Variants in FBN2 observed in about 807,000 individuals in gnomAD.
FBN2 encodes fibrillin 2.
FBN2 carries 105 observed loss-of-function variants against 355.6 expected under a neutral mutation model. The ratio of observed to expected loss-of-function variants is 0.30; its 90% CI spans 0.25 to 0.35. The LOEUF (loss-of-function observed/expected upper bound fraction) is 0.35. Ranked by LOEUF, FBN2 falls within the 10% of genes least tolerant of loss-of-function variation. FBN2 has a pLI of 1.00. For missense variants in FBN2, 3,280 were observed against 3,758.7 expected (o/e 0.87, Z 3.33); for synonymous variants, 1,350 against 1,301.2 (o/e 1.04, Z -0.81).
At chr5:128,274,722 T>C (rs1209942757) in intron 59 of FBN2, 39 bp from the exon 60 acceptor site, 2 of 1,173,098 alleles carry the variant, frequency 1.7e-6, no homozygotes. Flanking sequence ...CACAGTAGAC[T>C]ATCTGGCTAT....
At chr5:128,333,658 G>A (rs1478509300) in intron 31 of FBN2, among the ~76,000 whole-genome samples, 1 of 151,862 alleles carries the variant, frequency 6.6e-6, no homozygotes, top group Non-Finnish European at 1.5e-5. Context: ...GTAGCCAGAT[G>A]CTTTCGCCAG....
chr5:128,299,667 C>A (rs7710775), intron 48 of FBN2, among the ~76,000 whole-genome samples: 7,143 of 152,266 alleles, frequency 0.047, 587 homozygotes, highest in African/African-American at 0.16. Context: ...GGCAATGCCT[C>A]GCCCTGCTTT....
chr5:128,537,821 T>C lies in FBN2; in HGVS notation c.-218A>G, dbSNP rs1165548094. 1.7e-6 allele frequency: 1 copy of C among 602,672 alleles called. No individual in the cohort carries two copies. The highest frequency in any genetic ancestry group is 1.9e-5 in the African/African-American group (1 of 53,518). The allele number at this position is 602,672 out of a possible 1,614,324, so 37.3% of individuals were successfully genotyped here. A position where few individuals can be genotyped will look rare whatever the true frequency, so the allele number is the denominator to read the frequency against. On this transcript the variant is annotated 5_prime_UTR_variant, in exon 1 of 65. Coordinates refer to ENST00000262464, the MANE Select transcript of FBN2 (RefSeq NM_001999.4). ...ACGCGGGGCGCCGGGTCTAGCGCAGTGAGCGGCGAGGCGCGGCGGAGGTGC... is the reference window on the plus strand; with the variant it reads ...ACGCGGGGCGCCGGGTCTAGCGCAGCGAGCGGCGAGGCGCGGCGGAGGTGC...
At chr5:128,491,925 G>T (rs956841885) in intron 5 of FBN2, among the ~76,000 whole-genome samples, 3 of 152,016 alleles carry the variant, frequency 2.0e-5, no homozygotes, top group Non-Finnish European at 4.4e-5. Context: ...CTAATAAACA[G>T]CTTGACCATT....
chr5:128,454,088 C>T (rs1754324797), intron 6 of FBN2, among the ~76,000 whole-genome samples: 1 of 151,824 alleles, frequency 6.6e-6, no homozygotes, highest in Admixed American at 6.6e-5. Context: ...TCCAATAGAA[C>T]ATCCACAATC....
chr5:128,466,812 G>T (rs1374150798), intron 5 of FBN2, among the ~76,000 whole-genome samples: 1 of 152,090 alleles, frequency 6.6e-6, no homozygotes, highest in Non-Finnish European at 1.5e-5. Context: ...TGAAGATATG[G>T]CAACCTTATA....
intron 7 of FBN2, among the ~76,000 whole-genome samples, chr5:128,419,533 A>T (rs1358857176): frequency 6.6e-6 from 1 of 152,108 alleles, no homozygotes; most frequent in Non-Finnish European, 1.5e-5. Context: ...TTTTTAGAAT[A>T]CAAGGGTATT....
At chr5:128,458,350 A>C (rs1754461557) in intron 6 of FBN2, among the ~76,000 whole-genome samples, 1 of 151,976 alleles carries the variant, frequency 6.6e-6, no homozygotes, top group African/African-American at 2.4e-5. Context: ...ACTTCCACAC[A>C]ATAATAGTGG....
At chr5:128,398,772 G>A in intron 8 of FBN2, among the ~76,000 whole-genome samples, 1 of 152,170 alleles carries the variant, frequency 6.6e-6, no homozygotes, top group East Asian at 1.9e-4. Context: ...GAGGGACCTG[G>A]TGGGAGGTAA....
Position 128,290,751 on chromosome 5 carries a change from C to T in FBN2, c.6426G>A (p.Leu2142=), listed in dbSNP as rs2126821236. The T allele has an allele frequency of 6.2e-7, 1 of 1,614,178 alleles. No individual in the cohort carries two copies. Among genetic ancestry groups the T allele is most frequent in the East Asian group, 2.2e-5 (1 of 44,892 alleles). The change falls in exon 50 of 65, where the codon CTG becomes CTA. Residue 2142 remains leucine, a synonymous_variant. Transcript: ENST00000262464. ...PGEGWGDPCE[L]CPKDDEVAFQ... ...TCTTACCTTCATCGTCTTTGGGGCA[C>T]AGCTCACAGGGGTCCCCCCAGCCCT...
chr5:128,361,820 C>T lies in FBN2; in HGVS notation c.2457G>A (p.Leu819=), dbSNP rs370465689. Residue 819 remains leucine, a synonymous_variant, in exon 19 of 65, where the codon CTG becomes CTA. Transcript: ENST00000262464. ...IDIDECLVNR[L]LCDNGLCRNT... is the part of the protein sequence containing the mutation. ...TTCGGCACAATCCGTTATCACAAAG[C>T]AGTCTGTTTACTAAACATTCATCAA... 4 of 1,614,100 alleles carry T rather than the reference C, an allele frequency of 2.5e-6. No homozygotes were observed. Among genetic ancestry groups the T allele is most frequent in the Non-Finnish European group, 3.4e-6 (4 of 1,179,950 alleles).
At chr5:128,434,209 G>T (rs1386875682) in intron 7 of FBN2, among the ~76,000 whole-genome samples, 2 of 151,372 alleles carry the variant, frequency 1.3e-5, no homozygotes, top group South Asian at 2.1e-4. Flanking sequence ...AGAAAAGTTT[G>T]CATTAAGATA....
intron 5 of FBN2, among the ~76,000 whole-genome samples, chr5:128,490,879 A>C (rs1009429419): frequency 2.6e-5 from 4 of 152,220 alleles, no homozygotes; most frequent in African/African-American, 9.6e-5. Context: ...AGAAACAAAG[A>C]GGTTACTCAT....
At chr5:128,304,783 T>A (rs572750622) in intron 45 of FBN2, among the ~76,000 whole-genome samples, 174 bp downstream of exon 45, 1 of 152,302 alleles carries the variant, frequency 6.6e-6, no homozygotes, top group South Asian at 2.1e-4. Flanking sequence ...TTGCAGTATG[T>A]CCCTGCTTGC....
At chr5:128,521,724 T>C (rs1343867951) in intron 4 of FBN2, among the ~76,000 whole-genome samples, 2 of 152,140 alleles carry the variant, frequency 1.3e-5, no homozygotes, top group African/African-American at 4.8e-5. Flanking sequence ...GGAAAAGCTG[T>C]CCACACTGAC....
At chr5:128,349,531 T>A in intron 22 of FBN2, 59 bp from the exon 23 acceptor site, 1 of 1,576,040 alleles carries the variant, frequency 6.3e-7, no homozygotes, top group Non-Finnish European at 8.7e-7. Flanking sequence ...AAAGCAGGTG[T>A]GGTCCTACTT....
Position 128,376,591 on chromosome 5 carries a change from C to T in FBN2, c.1972+140G>A. ...GTGTGTTTTTCTAGAAAGCTTTAGA[C>T]ACCTGCCTTAGTGAATTAGCAAGAA... On this transcript the variant is annotated intron_variant, in intron 14 of 64. Coordinates refer to ENST00000262464, the MANE Select transcript of FBN2 (RefSeq NM_001999.4). 3 of 979,882 alleles carry T rather than the reference C, an allele frequency of 3.1e-6. No homozygotes were observed. The Admixed American group carries it at 5.3e-5, about 17-fold the overall frequency. 60.7% of individuals were successfully genotyped at this position (979,882 alleles called of 1,614,324 possible).
At chr5:128,492,520 T>C (rs946173885) in intron 5 of FBN2, among the ~76,000 whole-genome samples, 10 of 152,138 alleles carry the variant, frequency 6.6e-5, no homozygotes, top group Non-Finnish European at 1.2e-4. Flanking sequence ...ATAGAAATAC[T>C]GGCTGGGCGC....
At position 128,280,366 on chromosome 5, in the gene FBN2, G is replaced by A. The variant is rs375801073; in HGVS notation, c.7013-49C>T. ...ATAATGAGAAAACTGTCAAATTATA[G>A]TTTACAAGCTATCTTCTAATGGGTT... On this transcript the variant is annotated intron_variant, in intron 55 of 64. Transcript: ENST00000262464. 5 of 1,439,628 alleles carry A rather than the reference G, an allele frequency of 3.5e-6. No homozygotes were observed. In the African/African-American group the frequency reaches 5.6e-5, roughly 16 times the overall value. 89.2% of individuals were successfully genotyped at this position (1,439,628 alleles called of 1,614,324 possible).
Sources: allele counts gnomAD v4.1 joint callset (sites outside exome capture counted in the v4.1 genomes callset), GRCh38; gene constraint gnomAD v4.1.1; transcripts MANE v1.5; gene names NCBI Gene and HGNC (gene_info 2026-07-23, HGNC 2026-07-21).